The following PSME4 variants were observed in gnomAD, a reference collection of about 807,000 sequenced individuals.
PSME4 encodes proteasome activator complex subunit 4.
Under a neutral mutation model 253.9 loss-of-function variants are expected in PSME4, and 89 were observed. The ratio of observed to expected loss-of-function variants is 0.35; its 90% CI spans 0.30 to 0.42. The LOEUF (loss-of-function observed/expected upper bound fraction) is 0.42, where lower values mean the gene tolerates loss of function less well. Among genes scored for constraint, PSME4 ranks in the 10% least tolerant of loss-of-function variants. PSME4 has a pLI of 1.00. For synonymous variants in PSME4, 851 were observed against 759.2 expected, an observed-to-expected ratio of 1.12 and a Z score of -1.99; for missense variants, 2,014 against 2,195.2, an observed-to-expected ratio of 0.92 and a Z score of 1.65.
At chr2:53,891,494 C>A (rs1022077397) in intron 36 of PSME4, among the ~76,000 whole-genome samples, 1 of 152,032 alleles carries the variant, frequency 6.6e-6, no homozygotes, top group Non-Finnish European at 1.5e-5. Context: ...ATCACATGTA[C>A]CCCATAAACA....
At chr2:53,877,161 T>A (rs1679171919) in intron 41 of PSME4, among the ~76,000 whole-genome samples, 1 of 146,168 alleles carries the variant, frequency 6.8e-6, no homozygotes, top group Non-Finnish European at 1.5e-5. Context: ...AAAGCTTTAA[T>A]AAAGTTTGCT....
intron 41 of PSME4, among the ~76,000 whole-genome samples, chr2:53,883,734 A>C (rs1679504480): frequency 6.8e-6 from 1 of 147,546 alleles, no homozygotes; most frequent in African/African-American, 2.6e-5. Flanking sequence ...TGTTGGCTCA[A>C]TTCTTATACT....
At chr2:53,890,603 G>A (rs938214375) in intron 36 of PSME4, among the ~76,000 whole-genome samples, 3 of 152,108 alleles carry the variant, frequency 2.0e-5, no homozygotes, top group Non-Finnish European at 4.4e-5. Context: ...TAGCATGCCT[G>A]GCCCTAATTA....
intron 39 of PSME4, 47 bp downstream of exon 39, chr2:53,887,811 A>G: frequency 6.6e-7 from 1 of 1,507,128 alleles, no homozygotes. Context: ...TTAAAAAAAA[A>G]CAAACAAAGA....
At chr2:53,936,850 T>G in intron 5 of PSME4, 23 bp from the exon 6 acceptor site, 2 of 1,533,606 alleles carry the variant, frequency 1.3e-6, no homozygotes, top group Non-Finnish European at 1.8e-6. Flanking sequence ...AATGTTGTTA[T>G]GAATAGCAAG....
chr2:53,910,153 G>A (rs976432635), intron 20 of PSME4, 23 bp from the exon 21 acceptor site: 1 of 1,582,540 alleles, frequency 6.3e-7, no homozygotes, highest in Non-Finnish European at 8.7e-7. Context: ...AAGAGTGCTT[G>A]CATTTATTAA....
intron 20 of PSME4, among the ~76,000 whole-genome samples, chr2:53,911,034 C>T (rs1378929177): frequency 1.3e-5 from 2 of 152,182 alleles, no homozygotes; most frequent in African/African-American, 2.4e-5. Context: ...TTTAAATCAA[C>T]ACATCCCCAG....
chr2:53,951,228 G>A lies in PSME4; in HGVS notation c.243-1945C>T, dbSNP rs553503797. On this transcript the variant is annotated intron_variant, in intron 1 of 46. Coordinates refer to ENST00000404125, the MANE Select transcript of PSME4 (RefSeq NM_014614.3). ...CTCCCCAGTAGCTGGGATTACAGGC[G>A]CCCAACACCACGCCCGGCTAATTTT... Among the ~76,000 whole-genome samples, 8 of 152,116 alleles carry A rather than the reference G, an allele frequency of 5.3e-5. No homozygotes were observed. In the South Asian group the frequency reaches 8.3e-4, roughly 16 times the overall value.
chr2:53,932,760 C>T lies in PSME4; in HGVS notation c.958G>A (p.Gly320Ser). ...TTTTGCACTAGCTTACTTGGTCCAC[C>T]CTGTCCAGATAAAAGAGTAAAAATG... Reference protein sequence around the residue: ...HAVIWITAMMGGPSKLVQKHL... With the variant: ...HAVIWITAMMSGPSKLVQKHL... Residue 320 changes from glycine to serine, a missense_variant and splice_region_variant, in exon 9 of 47, where the codon GGT becomes AGT. This residue lies in a region of PSME4 where 615 missense variants were observed against 594.4 expected (regional missense o/e 1.03). Coordinates refer to ENST00000404125, the MANE Select transcript of PSME4 (RefSeq NM_014614.3). 6.2e-7 allele frequency: 1 copy of T among 1,611,332 alleles called. No individual in the cohort carries two copies. Among genetic ancestry groups the T allele is most frequent in the Non-Finnish European group, 8.5e-7 (1 of 1,177,574 alleles).
intron 21 of PSME4, 88 bp from the exon 22 acceptor site, chr2:53,908,928 G>T: frequency 2.0e-6 from 2 of 980,850 alleles, no homozygotes; most frequent in South Asian, 3.2e-5. Flanking sequence ...GGTCAAGGAG[G>T]GATAAAGTAT....
chr2:53,970,485 C>G, intron 1 of PSME4, 58 bp downstream of exon 1: 1 of 1,546,180 alleles, frequency 6.5e-7, no homozygotes, highest in Non-Finnish European at 8.7e-7. Flanking sequence ...CAACCATCCC[C>G]GACACCTCTC....
At chr2:53,934,547 G>GT in intron 8 of PSME4, 58 bp downstream of exon 8, 3 of 1,526,578 alleles carry the variant, frequency 2.0e-6, no homozygotes, top group South Asian at 2.6e-5. Flanking sequence ...CACAATTTTT[G>GT]TAAGGTTAAC....
chr2:53,939,590 A>C (rs1669287273), intron 4 of PSME4, among the ~76,000 whole-genome samples: 1 of 152,180 alleles, frequency 6.6e-6, no homozygotes, highest in Non-Finnish European at 1.5e-5. Context: ...AAAAGAAAAG[A>C]ATATGGGATA....
Position 53,936,271 on chromosome 2 carries a change from C to T in PSME4, c.760-110G>A, listed in dbSNP as rs1669111886. The stretch of plus-strand genomic sequence containing the variant: ...TTTTGGCAATCATTAGTGCAATCTA[C>T]TTAAATAGATAGTTTATGACTTTGT... On this transcript the variant is annotated intron_variant, in intron 6 of 46. Transcript: ENST00000404125. 3.5e-6 allele frequency: 5 copies of T among 1,439,614 alleles called. No homozygotes were observed. The Admixed American group carries it at 9.6e-5, about 28-fold the overall frequency. The allele number at this position is 1,439,614 out of a possible 1,614,324, so 89.2% of individuals were successfully genotyped here. A position where few individuals can be genotyped will look rare whatever the true frequency, so the allele number is the denominator to read the frequency against.
At chr2:53,934,574 C>A in intron 8 of PSME4, 31 bp downstream of exon 8, 1 of 1,586,886 alleles carries the variant, frequency 6.3e-7, no homozygotes, top group Non-Finnish European at 8.6e-7. Context: ...TAGGCGTAAA[C>A]TACAGAAAAC....
In PSME4 at chr2:53,885,056, A is replaced by G. The variant is rs1170432151; in HGVS notation, c.4815+634T>C. ...GTGATGTTTATGCCAAGCCTTTCAA[A>G]TGCACAATTAACACTGTTTTCCTAA... On this transcript the variant is annotated intron_variant, in intron 41 of 46. Transcript: ENST00000404125. 2.0e-5 allele frequency among the ~76,000 whole-genome samples: 3 copies of G among 152,344 alleles called. No homozygotes were observed. The East Asian group carries it at 5.8e-4, about 29-fold the overall frequency.
At chr2:53,937,320 TG>T (rs1032937509) in intron 5 of PSME4, 70 bp downstream of exon 5, 76 of 1,338,312 alleles carry the variant, frequency 5.7e-5, no homozygotes, top group Non-Finnish European at 7.6e-5. Context: ...TAGTTGTTAT[TG>T]TTTTACTAGT....
intron 9 of PSME4, 81 bp from the exon 10 acceptor site, chr2:53,932,181 G>A (rs999853716): frequency 1.8e-4 from 235 of 1,311,196 alleles, no homozygotes; most frequent in Non-Finnish European, 2.3e-4. Flanking sequence ...AGCTTCTTGA[G>A]AAAAGATTTT....
intron 36 of PSME4, among the ~76,000 whole-genome samples, chr2:53,891,879 G>A (rs939232980): frequency 2.7e-5 from 4 of 150,226 alleles, no homozygotes; most frequent in African/African-American, 7.3e-5. Flanking sequence ...AAAAAGAGAA[G>A]ACAGACAGAC....
Sources: allele counts gnomAD v4.1 joint callset (sites outside exome capture counted in the v4.1 genomes callset), GRCh38; gene constraint gnomAD v4.1.1; regional missense constraint gnomAD v4.1.1; transcripts MANE v1.5; gene names NCBI Gene and HGNC (gene_info 2026-07-23, HGNC 2026-07-21).